Variants in SMYD3 observed in about 807,000 individuals in gnomAD.
SMYD3 encodes SET and MYND domain containing 3, also known as histone-lysine N-methyltransferase SMYD3.
In SMYD3, 36 loss-of-function variants were observed where a neutral mutation model predicts 57.7. The observed-to-expected ratio is 0.62, with a 90% CI of 0.48 to 0.82. SMYD3 has a LOEUF of 0.82. Among genes scored for constraint, SMYD3 ranks in the 40% least tolerant of loss-of-function variants. SMYD3 has a pLI of 0.00. For missense variants in SMYD3, 515 were observed against 538.8 expected (o/e 0.96, Z 0.44); for synonymous variants, 211 against 195.0 (o/e 1.08, Z -0.68).
intron 1 of SMYD3, among the ~76,000 whole-genome samples, chr1:246,447,241 G>T (rs1449001409): frequency 6.6e-6 from 1 of 152,126 alleles, no homozygotes; most frequent in Non-Finnish European, 1.5e-5. Flanking sequence ...TTTATCAGAG[G>T]AATTGGGGAG....
At position 246,026,903 on chromosome 1, in the gene SMYD3, GAC is replaced by G. The variant is rs765752863; in HGVS notation, c.532-96968_532-96967del. Among the ~76,000 whole-genome samples the G allele has an allele frequency of 1.4e-4, 22 of 152,306 alleles. 1 individual carries two copies. The highest frequency in any genetic ancestry group is 2.8e-4 in the Non-Finnish European group (19 of 68,024). On this transcript the variant is annotated intron_variant, in intron 5 of 11. Coordinates refer to ENST00000490107, the MANE Select transcript of SMYD3 (RefSeq NM_001167740.2). Reference sequence around the variant, plus strand: ...TGTCGAGAACTAAGATAAACTGAAAGACACATGTGTTGCACAAAACAGTTAGC... The same window carrying G: ...TGTCGAGAACTAAGATAAACTGAAAGACATGTGTTGCACAAAACAGTTAGC...
At chr1:246,064,846 A>G (rs1572967388) in intron 5 of SMYD3, among the ~76,000 whole-genome samples, 2 of 152,214 alleles carry the variant, frequency 1.3e-5, no homozygotes, top group African/African-American at 4.8e-5. Context: ...TCCTCTTTGC[A>G]TTGGCTTTGT....
At chr1:246,213,880 CT>C (rs2063125494) in intron 5 of SMYD3, among the ~76,000 whole-genome samples, 1 of 152,158 alleles carries the variant, frequency 6.6e-6, no homozygotes, top group Non-Finnish European at 1.5e-5. Context: ...CAAGAAGAAC[CT>C]TTCTGAAGCA....
chr1:245,868,504 C>T (rs542671691), intron 8 of SMYD3, among the ~76,000 whole-genome samples: 21 of 152,130 alleles, frequency 1.4e-4, no homozygotes, highest in Admixed American at 2.0e-4. Context: ...AGGGTGAGAC[C>T]GCAGCCCAGG....
At chr1:246,346,109 C>T (rs1572403771) in intron 2 of SMYD3, among the ~76,000 whole-genome samples, 1 of 152,202 alleles carries the variant, frequency 6.6e-6, no homozygotes, top group South Asian at 2.1e-4. Flanking sequence ...ACGGTAACAC[C>T]CCATCTCTAC....
intron 5 of SMYD3, among the ~76,000 whole-genome samples, chr1:246,194,078 G>A (rs1230468673): frequency 2.0e-5 from 3 of 152,130 alleles, no homozygotes; most frequent in African/African-American, 7.2e-5. Flanking sequence ...CAGCTCTAAA[G>A]GTTCCTCATA....
intron 10 of SMYD3, among the ~76,000 whole-genome samples, chr1:245,845,055 G>A (rs1187571688): frequency 6.6e-6 from 1 of 152,122 alleles, no homozygotes; most frequent in Non-Finnish European, 1.5e-5. Context: ...TCTGATTAAG[G>A]AATTAATTTG....
At chr1:245,802,867 T>C (rs1447455844) in intron 10 of SMYD3, among the ~76,000 whole-genome samples, 1 of 152,190 alleles carries the variant, frequency 6.6e-6, no homozygotes, top group Non-Finnish European at 1.5e-5. Flanking sequence ...ATCTCTTAAG[T>C]CATTGAGACT....
chr1:246,274,851 A>G (rs2064298889), intron 5 of SMYD3, among the ~76,000 whole-genome samples: 1 of 152,102 alleles, frequency 6.6e-6, no homozygotes, highest in African/African-American at 2.4e-5. Flanking sequence ...TAAGCCAAAA[A>G]CATAGGCAAC....
At chr1:246,456,922 G>A (rs758085399) in intron 1 of SMYD3, among the ~76,000 whole-genome samples, 9 of 152,196 alleles carry the variant, frequency 5.9e-5, no homozygotes, top group Admixed American at 1.3e-4. Flanking sequence ...CTAGTACACC[G>A]AATGGACCAG....
At chr1:246,475,329 GAA>G (rs573868002) in intron 1 of SMYD3, among the ~76,000 whole-genome samples, 10 of 102,996 alleles carry the variant, frequency 9.7e-5, no homozygotes, top group Admixed American at 1.1e-4. Context: ...GACTGTCTCA[GAA>G]AAAAAAAAAA....
chr1:246,327,448 T>A, intron 4 of SMYD3, 111 bp from the exon 5 acceptor site: 1 of 934,872 alleles, frequency 1.1e-6, no homozygotes, highest in Admixed American at 2.8e-5. Flanking sequence ...TTACATTGGA[T>A]TTTGACAAAG....
intron 8 of SMYD3, among the ~76,000 whole-genome samples, chr1:245,906,293 A>G (rs2054559030): frequency 6.6e-6 from 1 of 152,176 alleles, no homozygotes; most frequent in African/African-American, 2.4e-5. Flanking sequence ...AAACAAATCT[A>G]TAGAAAAAAC....
At chr1:245,984,536 A>G (rs1385850407) in intron 5 of SMYD3, among the ~76,000 whole-genome samples, 1 of 152,146 alleles carries the variant, frequency 6.6e-6, no homozygotes, top group African/African-American at 2.4e-5. Flanking sequence ...TGTGCGTGAG[A>G]ATCACCCAGA....
In SMYD3 at chr1:246,044,737, G is replaced by A. The variant is rs142756059; in HGVS notation, c.532-114800C>T. ...TATGTCTGTTAAAAATACTTAAATAGGAAAGGTAAAAATTACTTAAACATG... is the reference window on the plus strand; with the variant it reads ...TATGTCTGTTAAAAATACTTAAATAAGAAAGGTAAAAATTACTTAAACATG... On this transcript the variant is annotated intron_variant, in intron 5 of 11. Transcript: ENST00000490107. Among the ~76,000 whole-genome samples the A allele has an allele frequency of 3.2e-4, 48 of 152,098 alleles. No individual in the cohort carries two copies. In the East Asian group the frequency reaches 8.1e-3, roughly 26 times the overall value.
At chr1:246,225,586 C>T (rs1378344688) in intron 5 of SMYD3, among the ~76,000 whole-genome samples, 2 of 152,170 alleles carry the variant, frequency 1.3e-5, no homozygotes, top group African/African-American at 4.8e-5. Flanking sequence ...CACCAGCACA[C>T]ACTTAACACA....
chr1:245,753,953 AT>A (rs967460459), intron 11 of SMYD3, among the ~76,000 whole-genome samples: 1 of 151,884 alleles, frequency 6.6e-6, no homozygotes, highest in Non-Finnish European at 1.5e-5. Flanking sequence ...ATTAAATTTT[AT>A]TTTTTTTAAT....
intron 5 of SMYD3, among the ~76,000 whole-genome samples, chr1:245,949,099 G>A (rs1189485830): frequency 2.0e-5 from 3 of 152,196 alleles, no homozygotes; most frequent in African/African-American, 4.8e-5. Context: ...CCACTTGGGA[G>A]CCAGGGGATC....
chr1:246,392,050 A>G (rs985441960), intron 1 of SMYD3, among the ~76,000 whole-genome samples: 3 of 152,186 alleles, frequency 2.0e-5, no homozygotes, highest in Non-Finnish European at 1.5e-5. Flanking sequence ...AAATACCTAC[A>G]ATAAAGCTCT....
Sources: allele counts gnomAD v4.1 joint callset (sites outside exome capture counted in the v4.1 genomes callset), GRCh38; gene constraint gnomAD v4.1.1; transcripts MANE v1.5; gene names NCBI Gene and HGNC (gene_info 2026-07-23, HGNC 2026-07-21).